The following ELFN1 variants were observed in gnomAD, a reference collection of about 807,000 sequenced individuals.
The protein encoded by ELFN1 is extracellular leucine rich repeat and fibronectin type III domain containing 1.
A neutral mutation model predicts 7.6 loss-of-function variants in ELFN1; 6 were observed. The ratio of observed to expected loss-of-function variants is 0.79; its 90% CI spans 0.43 to 1.56. ELFN1 has a LOEUF of 1.56. Among genes scored for constraint, ELFN1 ranks in the 40% most tolerant of loss-of-function variants. The pLI is 0.01. For missense variants in ELFN1, 1,169 were observed against 1,232.2 expected (o/e 0.95, Z 0.77); for synonymous variants, 657 against 588.1 (o/e 1.12, Z -1.70).
rs1217770541 is a variant in ELFN1, at chr7:1,746,885, C to T, written c.2289C>T (p.Ser763=). The change falls in exon 4 of 4, where the codon TCC becomes TCT. Residue 763 remains serine, a synonymous_variant. Coordinates refer to ENST00000424383, the MANE Select transcript of ELFN1 (RefSeq NM_001128636.4). The part of the protein sequence containing the change: ...LSPQYHSLSY[S]SSPEYTCRAS... ...CGCAGTACCACAGCCTGAGCTACTC[C>T]TCCAGCCCCGAGTACACCTGCCGGG... is the stretch of plus-strand genomic sequence containing the variant. 1.3e-6 allele frequency: 2 copies of T among 1,545,428 alleles called. No homozygotes were observed. The highest frequency in any genetic ancestry group is 1.7e-6 in the Non-Finnish European group (2 of 1,144,370).
At chr7:1,726,551 G>A (rs920457988) in intron 3 of ELFN1, among the ~76,000 whole-genome samples, 4 of 152,214 alleles carry the variant, frequency 2.6e-5, no homozygotes, top group African/African-American at 9.6e-5. Flanking sequence ...ATCCCCTGGG[G>A]TGTGGCAGCT....
intron 3 of ELFN1, among the ~76,000 whole-genome samples, chr7:1,713,118 G>T (rs991822292): frequency 6.6e-6 from 1 of 152,184 alleles, no homozygotes; most frequent in African/African-American, 2.4e-5. Flanking sequence ...CCACAGCCTG[G>T]TGGGATCACC....
intron 3 of ELFN1, among the ~76,000 whole-genome samples, chr7:1,712,335 T>C (rs1779681953): frequency 6.6e-6 from 1 of 152,088 alleles, no homozygotes; most frequent in Non-Finnish European, 1.5e-5. Flanking sequence ...TTAGCCAGGG[T>C]GGTCTCGATC....
At position 1,746,532 on chromosome 7, in the gene ELFN1, G is replaced by A. The variant is rs1395367013; in HGVS notation, c.1936G>A (p.Val646Met). ...TGCCAGCACCTCGTCCAGCGGCTCCGTGCGCAGCCCCCGCGCCTTCCGAGC... is the reference window on the plus strand; with the variant it reads ...TGCCAGCACCTCGTCCAGCGGCTCCATGCGCAGCCCCCGCGCCTTCCGAGC... ...PRASTSSSGS[V>M]RSPRAFRAEA... The change falls in exon 4 of 4, where the codon GTG (valine) becomes ATG (methionine). Residue 646 changes from valine (V) to methionine (M), a missense_variant. Transcript: ENST00000424383. 1.5e-5 allele frequency: 22 copies of A among 1,431,958 alleles called. 1 individual carries two copies. Among genetic ancestry groups the A allele is most frequent in the Middle Eastern group, 2.1e-4 (1 of 4,794 alleles). The allele number at this position is 1,431,958 out of a possible 1,614,324, so 88.7% of individuals were successfully genotyped here.
rs758720937 is a variant in ELFN1 at position 1,745,368 on chromosome 7, G to A, written c.772G>A (p.Glu258Lys). 3 of 1,539,324 alleles carry A rather than the reference G, an allele frequency of 1.9e-6. No homozygotes were observed. Among genetic ancestry groups the A allele is most frequent in the South Asian group, 1.2e-5 (1 of 83,960 alleles). The change falls in exon 4 of 4, where the codon GAG (glutamate) becomes AAG (lysine). Residue 258 changes from glutamate (E) to lysine (K), a missense_variant. Transcript: ENST00000424383. ...SVCTEDSYAAEVVGPPRPASG... is the reference protein window; with the variant it reads ...SVCTEDSYAAKVVGPPRPASG... Reference sequence around the variant, plus strand: ...CTGCACCGAGGACTCGTACGCGGCTGAGGTGGTCGGGCCCCCACGTCCAGC... The same window carrying A: ...CTGCACCGAGGACTCGTACGCGGCTAAGGTGGTCGGGCCCCCACGTCCAGC...
At chr7:1,727,551 C>T (rs1780231428) in intron 3 of ELFN1, among the ~76,000 whole-genome samples, 1 of 152,126 alleles carries the variant, frequency 6.6e-6, no homozygotes, top group African/African-American at 2.4e-5. Flanking sequence ...CTCAAGGGGC[C>T]TCCCTTCATT....
At chr7:1,675,469 G>A (rs977873652) in intron 1 of ELFN1, among the ~76,000 whole-genome samples, 4 of 152,250 alleles carry the variant, frequency 2.6e-5, no homozygotes, top group African/African-American at 9.6e-5. Flanking sequence ...AGGCTCCCCC[G>A]TGTTTACCGA....
chr7:1,747,302 C>CCACA lies in ELFN1; in HGVS notation c.*249_*252dup, dbSNP rs143376319. 19,190 of 268,180 alleles carry CCACA rather than the reference C, an allele frequency of 0.072. 1,131 individuals are homozygous for CCACA. The highest frequency in any genetic ancestry group is 0.1 in the Admixed American group (1,478 of 14,704). The allele number at this position is 268,180 out of a possible 1,614,324, so 16.6% of individuals were successfully genotyped here. On this transcript the variant is annotated 3_prime_UTR_variant, in exon 4 of 4. Transcript: ENST00000424383. ...GCTTGTCGCCCCGGGTGGCACGTGT[C>CCACA]CACACACACACACACACACACACAC... is the stretch of plus-strand genomic sequence containing the variant.
intron 3 of ELFN1, among the ~76,000 whole-genome samples, chr7:1,736,507 T>G (rs985698146): frequency 6.6e-6 from 1 of 152,220 alleles, no homozygotes; most frequent in Non-Finnish European, 1.5e-5. Context: ...GGAACCACCA[T>G]ATTTCTTGAT....
chr7:1,677,280 G>A (rs1347130875), intron 1 of ELFN1, among the ~76,000 whole-genome samples: 8 of 152,172 alleles, frequency 5.3e-5, no homozygotes, highest in Admixed American at 5.2e-4. Flanking sequence ...GGATTGGTAT[G>A]AAACAGTGGG....
intron 2 of ELFN1, among the ~76,000 whole-genome samples, chr7:1,706,505 C>A (rs970004993): frequency 6.6e-6 from 1 of 152,258 alleles, no homozygotes; most frequent in African/African-American, 2.4e-5. Flanking sequence ...TTCCACCATG[C>A]ACTGCTGCCA....
chr7:1,724,025 G>A (rs1247021219), intron 3 of ELFN1, among the ~76,000 whole-genome samples: 2 of 152,216 alleles, frequency 1.3e-5, no homozygotes, highest in African/African-American at 4.8e-5. Flanking sequence ...ATGGGGCCAG[G>A]CTGCCTTGGC....
At chr7:1,671,349 C>T (rs1384877196) in intron 1 of ELFN1, among the ~76,000 whole-genome samples, 1 of 152,242 alleles carries the variant, frequency 6.6e-6, no homozygotes, top group Non-Finnish European at 1.5e-5. Flanking sequence ...TCGAGGCCGG[C>T]CGAGCCAGGT....
At chr7:1,743,943 C>T (rs111939918) in intron 3 of ELFN1, among the ~76,000 whole-genome samples, 9 of 152,264 alleles carry the variant, frequency 5.9e-5, no homozygotes, top group African/African-American at 1.4e-4. Flanking sequence ...ACCGGGGTTG[C>T]GCCGAGAGTG....
intron 3 of ELFN1, among the ~76,000 whole-genome samples, chr7:1,716,168 C>T (rs1257479472): frequency 6.6e-6 from 1 of 152,218 alleles, no homozygotes; most frequent in Admixed American, 6.5e-5. Context: ...ATCCCCTGCT[C>T]ACCCCAAGGT....
rs1013618369 is a variant in ELFN1, at chr7:1,740,970, A to C, written c.-293-3334A>C. Reference sequence around the variant, plus strand: ...TATGGTGAAACCCTGTCTCTACTAAAAGTACAAAAATTAGCCGGGCATGGT... The same window carrying C: ...TATGGTGAAACCCTGTCTCTACTAACAGTACAAAAATTAGCCGGGCATGGT... On this transcript the variant is annotated intron_variant, in intron 3 of 3. Coordinates refer to ENST00000424383, the MANE Select transcript of ELFN1 (RefSeq NM_001128636.4). This position sits in a 1 kb window ranked among gnomAD's most constrained non-coding sequence, Gnocchi z 5.0. Among the ~76,000 whole-genome samples the C allele has an allele frequency of 6.6e-6, 1 of 152,000 alleles. No individual in the cohort carries two copies. The highest frequency in any genetic ancestry group is 1.5e-5 in the Non-Finnish European group (1 of 67,986).
At chr7:1,670,212 C>T (rs1365203026), upstream of ELFN1, among the ~76,000 whole-genome samples, 5 of 151,232 alleles carry the variant, frequency 3.3e-5, no homozygotes, top group Admixed American at 6.6e-5. The surrounding 1 kb of genome is among the most constrained non-coding windows in gnomAD (Gnocchi z 6.4). Context: ...GAATTCCCCC[C>T]CGGCCGCGCG....
chr7:1,747,233 C>T lies in ELFN1; in HGVS notation c.*150C>T, dbSNP rs1181764881. The T allele has an allele frequency of 1.1e-6, 1 of 924,974 alleles. No homozygotes were observed. Among genetic ancestry groups the T allele is most frequent in the Non-Finnish European group, 1.5e-6 (1 of 657,966 alleles). 57.3% of individuals were successfully genotyped at this position (924,974 alleles called of 1,614,324 possible). The stretch of plus-strand genomic sequence containing the variant: ...CGAGGGGGGAGCGAGTGGGGACAGA[C>T]AAGGGGGACACGTCCCGAGCTCCTG... On this transcript the variant is annotated 3_prime_UTR_variant, in exon 4 of 4. Transcript: ENST00000424383.
upstream of ELFN1, among the ~76,000 whole-genome samples, chr7:1,667,971 G>A (rs558103775): frequency 7.1e-6 from 1 of 141,512 alleles, no homozygotes; most frequent in Admixed American, 6.9e-5. This position sits in a 1 kb window ranked among gnomAD's most constrained non-coding sequence, Gnocchi z 8.2. Context: ...GGGGTGGGGG[G>A]GGGGGGCGGC....
Sources: gnomAD v4.1 joint callset for allele counts (sites outside exome capture counted in the v4.1 genomes callset) on GRCh38, gnomAD v4.1.1 for gene constraint, Gnocchi (gnomAD v3.1) non-coding constraint, MANE v1.5 for transcripts, NCBI Gene and HGNC (gene_info 2026-07-23, HGNC 2026-07-21) for gene names.